The following KIR2DL4 variants were observed in gnomAD, a reference collection of about 807,000 sequenced individuals.
The protein encoded by KIR2DL4 is killer cell immunoglobulin like receptor, two Ig domains and long cytoplasmic tail 4.
KIR2DL4 carries 41 observed loss-of-function variants against 31.0 expected under a neutral mutation model. That is an observed-to-expected ratio of 1.32 (90% CI 1.03 to 1.72). KIR2DL4 has a LOEUF of 1.72. KIR2DL4 is among the 40% of genes most tolerant of loss of function. KIR2DL4 has a pLI of 0.00. For synonymous variants in KIR2DL4, 164 were observed against 133.6 expected, an observed-to-expected ratio of 1.23 and a Z score of -1.57; for missense variants, 438 against 353.7, an observed-to-expected ratio of 1.24 and a Z score of -1.91.
At chr19:54,812,246 A>T (rs2060907382) in intron 5 of KIR2DL4, among the ~76,000 whole-genome samples, 1 of 151,294 alleles carries the variant, frequency 6.6e-6, no homozygotes, top group Non-Finnish European at 1.5e-5. Context: ...GCAGCGAGTG[A>T]CAACAGAAAC....
At chr19:54,813,090 G>A (rs1185712905) in intron 5 of KIR2DL4, 9 of 1,413,232 alleles carry the variant, frequency 6.4e-6, no homozygotes, top group East Asian at 2.4e-5. Flanking sequence ...GAACTGCTAT[G>A]GTTAGCTTCT....
intron 2 of KIR2DL4, 68 bp from the exon 3 acceptor site, chr19:54,804,711 AATGGGGAGAATCTT>A: frequency 6.9e-7 from 1 of 1,444,064 alleles, no homozygotes; most frequent in Non-Finnish European, 9.5e-7. Flanking sequence ...AGAAAGAAGA[AATGGGGAGAATCTT>A]CTGAGCACAG....
At chr19:54,810,357 C>A (rs1288824590) in intron 5 of KIR2DL4, among the ~76,000 whole-genome samples, 1 of 151,036 alleles carries the variant, frequency 6.6e-6, no homozygotes, top group African/African-American at 2.5e-5. Context: ...AAACTCCCAA[C>A]CTTAAGGGAT....
rs113418417 is a variant in KIR2DL4 at position 54,807,657 on chromosome 19, C to G, written c.656-1176C>G. On this transcript the variant is annotated intron_variant, in intron 4 of 7. Coordinates refer to ENST00000359085, the Ensembl canonical transcript of KIR2DL4. ...TTCACCATGTTAGCCAGGCTGGTCT[C>G]GAACTCTTGACCTCCAGTGATCTGC... Among the ~76,000 whole-genome samples, 21 of 149,324 alleles carry G rather than the reference C, an allele frequency of 1.4e-4. 1 individual carries two copies. The highest frequency in any genetic ancestry group is 1.2e-4 in the Non-Finnish European group (8 of 67,674).
chr19:54,805,253 C>T (rs926682373), intron 3 of KIR2DL4, among the ~76,000 whole-genome samples, 176 bp downstream of exon 3: 1 of 151,244 alleles, frequency 6.6e-6, no homozygotes, highest in Non-Finnish European at 1.5e-5. Flanking sequence ...CCATCGATGG[C>T]CACATTGTAA....
intron 4 of KIR2DL4, among the ~76,000 whole-genome samples, chr19:54,807,472 T>C (rs1316758882): frequency 2.0e-5 from 3 of 151,302 alleles, no homozygotes; most frequent in Admixed American, 1.3e-4. Context: ...CGTTTCACTC[T>C]TGTTGCCCAA....
At chr19:54,806,908 G>T (rs977478270) in intron 4 of KIR2DL4, among the ~76,000 whole-genome samples, 2 of 150,904 alleles carry the variant, frequency 1.3e-5, no homozygotes, top group African/African-American at 4.9e-5. Flanking sequence ...CCAGCAACTT[G>T]GGAGGCTGAG....
chr19:54,813,670 A>G lies in KIR2DL4; in HGVS notation c.811-20A>G. ...CAGAAGTGCCCTCCCAGCTGTTTTGATTGCTTCCGTCTCCTACAGATGCTG... is the reference window on the plus strand; with the variant it reads ...CAGAAGTGCCCTCCCAGCTGTTTTGGTTGCTTCCGTCTCCTACAGATGCTG... On this transcript the variant is annotated intron_variant, in intron 6 of 7. Transcript: ENST00000359085. The G allele has an allele frequency of 6.2e-7, 1 of 1,610,754 alleles. No homozygotes were observed. The highest frequency in any genetic ancestry group is 2.2e-5 in the East Asian group (1 of 44,806).
At chr19:54,803,854 G>A (rs1183725923) in intron 1 of KIR2DL4, 37 bp from the exon 2 acceptor site, 1 of 1,598,874 alleles carries the variant, frequency 6.3e-7, no homozygotes, top group Non-Finnish European at 8.6e-7. Context: ...GTAGGTTGCT[G>A]CCGAGATGAA....
rs554354206 is a variant in KIR2DL4, at chr19:54,805,008, C to T, written c.292C>T (p.Arg98Ter). ...AGCACACGCAGGGACCTACAGATGT[C>T]GAGGTTTTCACCCGCACTCCCCCAC... The change falls in exon 3 of 8, where the codon CGA (arginine) becomes TGA (stop). Residue 98 changes from arginine to a stop codon, truncating the protein, a stop_gained. Transcript: ENST00000359085. LOFTEE classifies it high-confidence loss of function. 8.1e-6 allele frequency: 13 copies of T among 1,611,642 alleles called. 1 individual carries two copies. The highest frequency in any genetic ancestry group is 6.7e-5 in the African/African-American group (5 of 74,256).
intron 5 of KIR2DL4, among the ~76,000 whole-genome samples, chr19:54,812,187 G>C (rs1261653010): frequency 4.6e-5 from 7 of 151,232 alleles, no homozygotes; most frequent in African/African-American, 1.7e-4. Context: ...CAGGGAGACA[G>C]AACACACAGG....
exon 3 of KIR2DL4, chr19:54,805,012 G>T (rs1218060327): frequency 5.0e-6 from 8 of 1,611,424 alleles, no homozygotes; most frequent in Non-Finnish European, 5.9e-6. Flanking sequence ...AGATGTCGAG[G>T]TTTTCACCCG....
chr19:54,808,528 G>T (rs1443140541), intron 4 of KIR2DL4, among the ~76,000 whole-genome samples: 2 of 149,750 alleles, frequency 1.3e-5, no homozygotes, highest in Non-Finnish European at 3.0e-5. Flanking sequence ...GATTACATCC[G>T]TGTTCTTCAT....
rs561261944 is a variant in KIR2DL4, at chr19:54,804,652, G to A, written c.77-141G>A. On this transcript the variant is annotated intron_variant, in intron 2 of 7. Transcript: ENST00000359085. Reference sequence around the variant, plus strand: ...TGTAGGGAGACGCCACGTCTATGCGGGATGGGTCCTTCCTGTAGCCCCAGG... The same window carrying A: ...TGTAGGGAGACGCCACGTCTATGCGAGATGGGTCCTTCCTGTAGCCCCAGG... 362 of 812,722 alleles carry A rather than the reference G, an allele frequency of 4.5e-4. 3 individuals are homozygous for A. The Middle Eastern group carries it at 7.8e-3, about 18-fold the overall frequency. The allele number at this position is 812,722 out of a possible 1,614,324, so 50.3% of individuals were successfully genotyped here.
rs1792343931 is a variant in KIR2DL4, at chr19:54,806,037, A to G, written c.448A>G (p.Ser150Gly). 13 of 1,611,374 alleles carry G rather than the reference A, an allele frequency of 8.1e-6. 1 individual carries two copies. The highest frequency in any genetic ancestry group is 1.1e-5 in the Non-Finnish European group (13 of 1,179,296). Residue 150 changes from serine (S) to glycine (G), a missense_variant, in exon 4 of 8, where the codon AGC becomes GGC. By Grantham distance (56) the Ser-to-Gly change is moderately conservative. Transcript: ENST00000359085. ...CGTGACCTTGTCCTGCAGCTCCCAG[A>G]GCTCCTTTGACATCTACCATCTATC...
chr19:54,806,123 C>G, exon 4 of KIR2DL4: 4 of 1,612,098 alleles, frequency 2.5e-6, no homozygotes, highest in Non-Finnish European at 3.4e-6. Flanking sequence ...ATGGAACATT[C>G]CAGGCCGACT....
At chr19:54,808,463 T>C (rs2060657804) in intron 4 of KIR2DL4, among the ~76,000 whole-genome samples, 1 of 151,014 alleles carries the variant, frequency 6.6e-6, no homozygotes, top group Non-Finnish European at 1.5e-5. Context: ...GACTGTCCTT[T>C]CCAGATTGTA....
intron 5 of KIR2DL4, among the ~76,000 whole-genome samples, chr19:54,812,720 G>A (rs1465075573): frequency 2.0e-5 from 3 of 148,780 alleles, no homozygotes; most frequent in Non-Finnish European, 4.4e-5. Context: ...GGGGTGTGAT[G>A]GAGCTTCCAA....
chr19:54,806,612 C>T (rs1601151369), intron 4 of KIR2DL4, among the ~76,000 whole-genome samples: 1 of 151,374 alleles, frequency 6.6e-6, no homozygotes, highest in African/African-American at 2.4e-5. Context: ...CCAGCAACCC[C>T]TACACTTTTT....
Sources: gnomAD v4.1 joint callset for allele counts (sites outside exome capture counted in the v4.1 genomes callset) on GRCh38, gnomAD v4.1.1 for gene constraint, MANE v1.5 for transcripts, NCBI Gene and HGNC (gene_info 2026-07-23, HGNC 2026-07-21) for gene names.